The following GALNTL6 variants were observed in gnomAD, a reference collection of about 807,000 sequenced individuals.
GALNTL6 encodes polypeptide N-acetylgalactosaminyltransferase-like 6.
A neutral mutation model predicts 73.7 loss-of-function variants in GALNTL6; 46 were observed. The ratio of observed to expected loss-of-function variants is 0.62; its 90% CI spans 0.49 to 0.80. The LOEUF (loss-of-function observed/expected upper bound fraction) is 0.80, where lower values mean the gene tolerates loss of function less well. Ranked by LOEUF, GALNTL6 falls within the 30% of genes least tolerant of loss-of-function variation. GALNTL6 has a pLI of 0.00. For synonymous variants in GALNTL6, 259 were observed against 263.7 expected, an observed-to-expected ratio of 0.98 and a Z score of 0.17; for missense variants, 604 against 755.0, an observed-to-expected ratio of 0.80 and a Z score of 2.34.
At chr4:172,703,263 G>T (rs1412618856) in intron 5 of GALNTL6, among the ~76,000 whole-genome samples, 1 of 151,444 alleles carries the variant, frequency 6.6e-6, no homozygotes, top group Non-Finnish European at 1.5e-5. Flanking sequence ...GGACCTCTTT[G>T]CCTTGTTCCA....
chr4:172,466,551 A>G (rs1234182899), intron 5 of GALNTL6, among the ~76,000 whole-genome samples: 1 of 152,220 alleles, frequency 6.6e-6, no homozygotes, highest in Non-Finnish European at 1.5e-5. Flanking sequence ...CTTTGTGAAA[A>G]GCATTGGCCT....
At chr4:172,684,082 A>G (rs1271945054) in intron 5 of GALNTL6, among the ~76,000 whole-genome samples, 3 of 152,208 alleles carry the variant, frequency 2.0e-5, no homozygotes, top group Non-Finnish European at 4.4e-5. Flanking sequence ...ATTTACTAGA[A>G]ATGCAGACAC....
chr4:171,990,452 G>C (rs1040198929), intron 2 of GALNTL6, among the ~76,000 whole-genome samples: 6 of 152,008 alleles, frequency 3.9e-5, no homozygotes, highest in Admixed American at 3.9e-4. Flanking sequence ...CAAACAGTGG[G>C]TTTCAGAGGT....
At chr4:172,465,955 A>G (rs976164650) in intron 5 of GALNTL6, among the ~76,000 whole-genome samples, 1 of 152,228 alleles carries the variant, frequency 6.6e-6, no homozygotes, top group Non-Finnish European at 1.5e-5. Flanking sequence ...CCATCCTAAA[A>G]GTCAGTTTTT....
At chr4:172,761,138 C>T (rs1738060244) in intron 5 of GALNTL6, among the ~76,000 whole-genome samples, 1 of 152,098 alleles carries the variant, frequency 6.6e-6, no homozygotes, top group African/African-American at 2.4e-5. Flanking sequence ...CTTCTATAGC[C>T]TGTTCCCATA....
chr4:172,173,004 A>C (rs944438355), intron 2 of GALNTL6, among the ~76,000 whole-genome samples: 1 of 152,230 alleles, frequency 6.6e-6, no homozygotes, highest in Non-Finnish European at 1.5e-5. Flanking sequence ...GCTTTAGTAT[A>C]TCCTTTGCCC....
chr4:171,941,285 C>T (rs1013764160), intron 2 of GALNTL6, among the ~76,000 whole-genome samples: 8 of 152,160 alleles, frequency 5.3e-5, no homozygotes, highest in African/African-American at 1.9e-4. Context: ...GCTATTTCTT[C>T]ACAAGTACCA....
At chr4:172,591,882 G>A (rs1296191415) in intron 5 of GALNTL6, among the ~76,000 whole-genome samples, 1 of 152,156 alleles carries the variant, frequency 6.6e-6, no homozygotes, top group Non-Finnish European at 1.5e-5. Flanking sequence ...GGAAAATGTA[G>A]TTTTGACCTT....
At chr4:172,067,712 T>C (rs868090885) in intron 2 of GALNTL6, among the ~76,000 whole-genome samples, 3 of 110,388 alleles carry the variant, frequency 2.7e-5, no homozygotes, top group African/African-American at 1.0e-4. Context: ...TATCCTTTGG[T>C]GAGTGACAGT....
At chr4:173,025,592 C>T (rs1453271764) in intron 12 of GALNTL6, among the ~76,000 whole-genome samples, 1 of 152,188 alleles carries the variant, frequency 6.6e-6, no homozygotes, top group Non-Finnish European at 1.5e-5. Flanking sequence ...TCCCCATCTT[C>T]CACCCTGAAG....
chr4:172,788,670 T>TAAAAAA (rs1560953312), intron 5 of GALNTL6, among the ~76,000 whole-genome samples: 1 of 49,796 alleles, frequency 2.0e-5, no homozygotes, highest in African/African-American at 5.4e-5. Flanking sequence ...AGACTCCGTC[T>TAAAAAA]CAAAAAAAAA....
In GALNTL6 at chr4:172,171,658, G is replaced by A. The variant is rs1001368998; in HGVS notation, c.139-57998G>A. ...AGCCCAGGCAACATGGTGAAACTTC[G>A]TCTCTATCAAAAATACAAAAAAAAA... On this transcript the variant is annotated intron_variant, in intron 2 of 12. Coordinates refer to ENST00000506823, the MANE Select transcript of GALNTL6 (RefSeq NM_001034845.3). Among the ~76,000 whole-genome samples the A allele has an allele frequency of 9.7e-5, 14 of 144,776 alleles. 1 individual carries two copies. Among genetic ancestry groups the A allele is most frequent in the Admixed American group, 1.4e-4 (2 of 14,004 alleles). The allele number at this position is 144,776 out of a possible 152,430, so 95.0% of individuals were successfully genotyped here. A position where few individuals can be genotyped will look rare whatever the true frequency, so the allele number is the denominator to read the frequency against.
intron 2 of GALNTL6, among the ~76,000 whole-genome samples, chr4:171,897,345 G>A (rs1736952264): frequency 6.6e-6 from 1 of 152,104 alleles, no homozygotes; most frequent in Non-Finnish European, 1.5e-5. Flanking sequence ...ATAAAAGATT[G>A]TAGAATCAAA....
At chr4:172,765,096 T>C (rs1405096527) in intron 5 of GALNTL6, among the ~76,000 whole-genome samples, 1 of 152,210 alleles carries the variant, frequency 6.6e-6, no homozygotes, top group Non-Finnish European at 1.5e-5. Flanking sequence ...AAACAGCAAC[T>C]GAGTTTTCAA....
intron 5 of GALNTL6, among the ~76,000 whole-genome samples, chr4:172,392,236 G>A (rs62329932): frequency 0.017 from 2,595 of 152,078 alleles, 26 homozygotes; most frequent in Non-Finnish European, 0.026. Context: ...TGATCTGCCC[G>A]CCTTGACCTC....
At chr4:172,169,752 T>C (rs1560951540) in intron 2 of GALNTL6, among the ~76,000 whole-genome samples, 1 of 152,178 alleles carries the variant, frequency 6.6e-6, no homozygotes, top group Non-Finnish European at 1.5e-5. Flanking sequence ...AAGAGAAATG[T>C]CCATTAATTT....
intron 5 of GALNTL6, among the ~76,000 whole-genome samples, chr4:172,578,866 T>C (rs1314945253): frequency 6.6e-6 from 1 of 152,218 alleles, no homozygotes; most frequent in Non-Finnish European, 1.5e-5. Flanking sequence ...CGTATTTTCT[T>C]AGCAAAAGCA....
At chr4:172,710,354 C>A (rs1412559652) in intron 5 of GALNTL6, among the ~76,000 whole-genome samples, 3 of 152,150 alleles carry the variant, frequency 2.0e-5, no homozygotes, top group Admixed American at 1.3e-4. Context: ...CATTTGAATT[C>A]TATTTGTAAT....
intron 2 of GALNTL6, among the ~76,000 whole-genome samples, chr4:171,930,118 C>A (rs1738130699): frequency 1.3e-5 from 2 of 152,264 alleles, no homozygotes; most frequent in African/African-American, 4.8e-5. Context: ...CACCACATAC[C>A]TGCACCCAAC....
Sources: gnomAD v4.1 joint callset for allele counts (sites outside exome capture counted in the v4.1 genomes callset) on GRCh38, gnomAD v4.1.1 for gene constraint, MANE v1.5 for transcripts, NCBI Gene and HGNC (gene_info 2026-07-23, HGNC 2026-07-21) for gene names.